ELMOD3: variants seen among roughly 807,000 people sequenced by gnomAD.
The protein encoded by ELMOD3 is ELMO domain-containing protein 3.
In ELMOD3, 36 loss-of-function variants were observed where a neutral mutation model predicts 47.4. That is an observed-to-expected ratio of 0.76 (90% CI 0.58 to 1.00). The LOEUF is 1.00. Ranked by LOEUF, ELMOD3 falls within the 50% of genes least tolerant of loss-of-function variation. The pLI is 0.00. For missense variants in ELMOD3, 404 were observed against 463.8 expected (o/e 0.87, Z 1.18); for synonymous variants, 149 against 183.5 (o/e 0.81, Z 1.52).
chr2:85,358,262 A>G (rs922933097), intron 4 of ELMOD3, among the ~76,000 whole-genome samples: 7 of 150,088 alleles, frequency 4.7e-5, no homozygotes, highest in African/African-American at 1.7e-4. Flanking sequence ...CTGGGTGACC[A>G]AGTGAGACTC....
intron 6 of ELMOD3, among the ~76,000 whole-genome samples, chr2:85,364,819 ATATATATTTTT>A (rs1330043045): frequency 2.8e-4 from 25 of 88,452 alleles, no homozygotes; most frequent in African/African-American, 1.3e-3. Flanking sequence ...ATATATATAT[ATATATATTTTT>A]TTTTTTTTTT....
chr2:85,361,222 C>T (rs1216135039), intron 4 of ELMOD3, among the ~76,000 whole-genome samples: 2 of 152,146 alleles, frequency 1.3e-5, no homozygotes, highest in African/African-American at 4.8e-5. Flanking sequence ...TGTTTTTCAT[C>T]TGTAGCAGGG....
At chr2:85,359,681 C>T (rs1683811681) in intron 4 of ELMOD3, among the ~76,000 whole-genome samples, 2 of 152,160 alleles carry the variant, frequency 1.3e-5, no homozygotes, top group Admixed American at 6.5e-5. Context: ...CCACCCACCA[C>T]AGCCTCCCAA....
chr2:85,357,510 A>T (rs1391845522), intron 4 of ELMOD3: 1 of 341,508 alleles, frequency 2.9e-6, no homozygotes, highest in African/African-American at 2.2e-5. Flanking sequence ...TCACCCAAGA[A>T]ATCTGTATTT....
intron 10 of ELMOD3, 119 bp from the exon 11 acceptor site, chr2:85,377,225 C>T (rs1036700933): frequency 4.3e-5 from 38 of 889,812 alleles, no homozygotes; most frequent in African/African-American, 8.7e-5. Context: ...AGAAAGTGGA[C>T]GTGTGCTGCT....
At chr2:85,390,023 G>T in intron 12 of ELMOD3, 115 bp from the exon 13 acceptor site, 1 of 1,180,956 alleles carries the variant, frequency 8.5e-7, no homozygotes, top group Non-Finnish European at 1.3e-6. Flanking sequence ...GGAATGGTGG[G>T]GGCATCCTGG....
At chr2:85,379,030 AG>A (rs1685363569) in intron 11 of ELMOD3, among the ~76,000 whole-genome samples, 1 of 152,214 alleles carries the variant, frequency 6.6e-6, no homozygotes, top group African/African-American at 2.4e-5. Flanking sequence ...ATACATCAGT[AG>A]GCAGGTATGA....
chr2:85,391,210 G>A lies in ELMOD3; in HGVS notation c.*248G>A. The A allele has an allele frequency of 2.1e-6, 1 of 483,222 alleles. No individual in the cohort carries two copies. The highest frequency in any genetic ancestry group is 3.8e-6 in the Non-Finnish European group (1 of 266,654). 29.9% of individuals were successfully genotyped at this position (483,222 alleles called of 1,614,324 possible). A position where few individuals can be genotyped will look rare whatever the true frequency, so the allele number is the denominator to read the frequency against. ...GGAGAATTCTGCCTTAATCTGTTGGGCTCCAGTCTCCGGGTTGAATTCCAG... is the reference window on the plus strand; with the variant it reads ...GGAGAATTCTGCCTTAATCTGTTGGACTCCAGTCTCCGGGTTGAATTCCAG... On this transcript the variant is annotated 3_prime_UTR_variant, in exon 14 of 14. Coordinates refer to ENST00000409013, the MANE Select transcript of ELMOD3 (RefSeq NM_001135022.2).
rs2104642640 is a variant in ELMOD3 at position 85,376,713 on chromosome 2, A to G, written c.608-631A>G. Among the ~76,000 whole-genome samples, 1 of 152,238 alleles carries G rather than the reference A, an allele frequency of 6.6e-6. No homozygotes were observed. The highest frequency in any genetic ancestry group is 1.9e-4 in the East Asian group (1 of 5,176). ...TTTCTCTGTGGTGTTTTGCTGCAGT[A>G]GGGTGGGTATTGGCTAAAGCCTTCT... On this transcript the variant is annotated intron_variant, in intron 10 of 13. Coordinates refer to ENST00000409013, the MANE Select transcript of ELMOD3 (RefSeq NM_001135022.2). The surrounding 1 kb of genome is among the most constrained non-coding windows in gnomAD (Gnocchi z 4.2).
intron 10 of ELMOD3, among the ~76,000 whole-genome samples, chr2:85,373,788 G>A (rs375752983): frequency 2.0e-5 from 3 of 148,548 alleles, no homozygotes; most frequent in Admixed American, 6.7e-5. Flanking sequence ...GCAGTGAGCC[G>A]AGATCTCACC....
intron 12 of ELMOD3, 132 bp from the exon 13 acceptor site, chr2:85,390,006 C>A: frequency 8.9e-7 from 1 of 1,127,346 alleles, no homozygotes; most frequent in Non-Finnish European, 1.4e-6. Flanking sequence ...AGATGTCAGG[C>A]TCCTGGGGAA....
intron 11 of ELMOD3, 144 bp downstream of exon 11, chr2:85,377,618 C>A: frequency 1.3e-5 from 10 of 753,758 alleles, no homozygotes; most frequent in Non-Finnish European, 2.0e-5. Context: ...TGAGCTGTAC[C>A]GCTCATTAGC....
intron 11 of ELMOD3, among the ~76,000 whole-genome samples, chr2:85,382,437 C>CAA (rs1227882947): frequency 1.1e-4 from 9 of 82,044 alleles, no homozygotes; most frequent in East Asian, 3.9e-4. Context: ...GATTCTGTCT[C>CAA]AAAAAAAAAA....
intron 10 of ELMOD3, among the ~76,000 whole-genome samples, chr2:85,374,766 A>T (rs1249275595): frequency 6.6e-6 from 1 of 152,158 alleles, no homozygotes; most frequent in Non-Finnish European, 1.5e-5. Flanking sequence ...GAGCTGTGAT[A>T]GCACCGTTAC....
chr2:85,366,763 A>G (rs1684416472), intron 6 of ELMOD3, among the ~76,000 whole-genome samples: 1 of 152,232 alleles, frequency 6.6e-6, no homozygotes, highest in Non-Finnish European at 1.5e-5. Flanking sequence ...AGTGTCTGGT[A>G]GCATTTCATT....
At chr2:85,371,657 G>A in intron 10 of ELMOD3, 95 bp downstream of exon 10, 1 of 1,544,190 alleles carries the variant, frequency 6.5e-7, no homozygotes, top group Non-Finnish European at 8.8e-7. Context: ...CTATGAGGGG[G>A]AAGATCTTGG....
rs189400834 is a variant in ELMOD3 at position 85,371,628 on chromosome 2, A to G, written c.607+66A>G. On this transcript the variant is annotated intron_variant, in intron 10 of 13. Transcript: ENST00000409013. ...GATTCCAGGACTAGAGTGAGAGGCC[A>G]GGTCGTTCTCTTCCAGTGCTATGAG... The G allele has an allele frequency of 8.1e-6, 13 of 1,599,296 alleles. No homozygotes were observed. The East Asian group carries it at 2.7e-4, about 33-fold the overall frequency.
Position 85,391,034 on chromosome 2 carries a change from A to G in ELMOD3, c.*72A>G. On this transcript the variant is annotated 3_prime_UTR_variant, in exon 14 of 14. Transcript: ENST00000409013. ...AGGGGGTCAGTGGAGCCATGTCAGG[A>G]GCCTGGCCAGGCCGCACCCCTTGCT... 1 of 1,436,634 alleles carries G rather than the reference A, an allele frequency of 7.0e-7. No individual in the cohort carries two copies. Among genetic ancestry groups the G allele is most frequent in the Non-Finnish European group, 9.4e-7 (1 of 1,058,708 alleles). 89.0% of individuals were successfully genotyped at this position (1,436,634 alleles called of 1,614,324 possible).
intron 11 of ELMOD3, among the ~76,000 whole-genome samples, chr2:85,386,411 G>T (rs1685925041): frequency 8.1e-6 from 1 of 122,880 alleles, no homozygotes; most frequent in South Asian, 2.7e-4. Flanking sequence ...TTTTGAGATG[G>T]AGTCTCGCTC....
Sources: allele counts gnomAD v4.1 joint callset (sites outside exome capture counted in the v4.1 genomes callset), GRCh38; gene constraint gnomAD v4.1.1; non-coding constraint Gnocchi (gnomAD v3.1); transcripts MANE v1.5; gene names NCBI Gene and HGNC (gene_info 2026-07-23, HGNC 2026-07-21).